The following CHD5 variants were observed in gnomAD, a reference collection of about 807,000 sequenced individuals.
CHD5 encodes the protein ATP-dependent chromatin remodeler CHD5.
A neutral mutation model predicts 230.3 loss-of-function variants in CHD5; 69 were observed. That is an observed-to-expected ratio of 0.30 (90% CI 0.25 to 0.37). The LOEUF (loss-of-function observed/expected upper bound fraction) is 0.37. Ranked by LOEUF, CHD5 falls within the 10% of genes least tolerant of loss-of-function variation. CHD5 has a pLI of 1.00. For synonymous variants in CHD5, 1,064 were observed against 1,065.9 expected (o/e 1.00, Z 0.03); for missense variants, 1,827 against 2,622.8 (o/e 0.70, Z 6.63).
intron 5 of CHD5, among the ~76,000 whole-genome samples, chr1:6,153,882 G>A (rs755182856): frequency 6.6e-6 from 1 of 151,526 alleles, no homozygotes; most frequent in Non-Finnish European, 1.5e-5. Flanking sequence ...AAGCTGAGCT[G>A]CAGGTGACTG....
At chr1:6,170,130 G>A (rs1476620883) in intron 1 of CHD5, among the ~76,000 whole-genome samples, 1 of 152,068 alleles carries the variant, frequency 6.6e-6, no homozygotes, top group Admixed American at 6.5e-5. Flanking sequence ...TTGGAGCCAG[G>A]TTCGAACCCA....
In CHD5 at chr1:6,106,742, C is replaced by G; in HGVS notation, c.5616G>C (p.Lys1872Asn). ...NQLEELLSDMKADVTRLPSML... is the reference protein window; with the variant it reads ...NQLEELLSDMNADVTRLPSML... ...TGGATGGCAGCCGGGTCACGTCGGCCTTCATGTCGCTCAGCAGCTCCTCCA... is the reference window on the plus strand; with the variant it reads ...TGGATGGCAGCCGGGTCACGTCGGCGTTCATGTCGCTCAGCAGCTCCTCCA... Residue 1872 changes from lysine to asparagine, a missense_variant, in exon 39 of 42, where the codon AAG (lysine) becomes AAC (asparagine). This residue lies in a region of CHD5 where 208 missense variants were observed against 302.0 expected (regional missense o/e 0.69). Coordinates refer to ENST00000262450, the MANE Select transcript of CHD5 (RefSeq NM_015557.3). The G allele has an allele frequency of 6.2e-7, 1 of 1,611,654 alleles. No individual in the cohort carries two copies. The highest frequency in any genetic ancestry group is 8.5e-7 in the Non-Finnish European group (1 of 1,179,674).
At chr1:6,133,427 G>A (rs1044833206) in intron 20 of CHD5, among the ~76,000 whole-genome samples, 8 of 152,262 alleles carry the variant, frequency 5.3e-5, no homozygotes, top group African/African-American at 1.9e-4. Context: ...TTCAGTTGAT[G>A]TTTGTGCACA....
chr1:6,115,795 C>G (rs1345671991), intron 33 of CHD5, among the ~76,000 whole-genome samples: 1 of 152,126 alleles, frequency 6.6e-6, no homozygotes, highest in Non-Finnish European at 1.5e-5. Context: ...AGCAGAACAC[C>G]CAGCTACACC....
intron 11 of CHD5, among the ~76,000 whole-genome samples, chr1:6,144,448 G>A (rs969072918): frequency 6.6e-6 from 1 of 152,224 alleles, no homozygotes; most frequent in Non-Finnish European, 1.5e-5. Flanking sequence ...TGGCAGGGAT[G>A]AATCCCATTT....
chr1:6,151,188 G>T (rs2100865689), intron 6 of CHD5, 33 bp from the exon 7 acceptor site: 2 of 1,581,914 alleles, frequency 1.3e-6, no homozygotes. Context: ...GTGATCCCAG[G>T]GCTTCACCCA....
intron 1 of CHD5, among the ~76,000 whole-genome samples, chr1:6,177,284 C>T (rs554831298): frequency 3.3e-5 from 5 of 152,270 alleles, no homozygotes; most frequent in African/African-American, 9.6e-5. Context: ...TGAGGAAGAG[C>T]TCAGGGTGAG....
intron 15 of CHD5, 31 bp from the exon 16 acceptor site, chr1:6,136,896 C>A: frequency 6.3e-7 from 1 of 1,581,980 alleles, no homozygotes; most frequent in Admixed American, 1.7e-5. Flanking sequence ...GGGGATGAGA[C>A]GGCTGGGAGC....
intron 25 of CHD5, 89 bp downstream of exon 25, chr1:6,127,957 G>C: frequency 8.4e-7 from 1 of 1,188,366 alleles, no homozygotes; most frequent in Non-Finnish European, 1.2e-6. Flanking sequence ...CGGGAGGGCG[G>C]GGTCACAGTG....
At chr1:6,175,349 G>GTGGATGGTGGATGGATGCATGGA (rs879459685) in intron 1 of CHD5, among the ~76,000 whole-genome samples, 1 of 145,984 alleles carries the variant, frequency 6.9e-6, no homozygotes, top group African/African-American at 2.6e-5. Context: ...GAATGGATGA[G>GTGGATGGTGGATGGATGCATGGA]TGGATGGTGG....
rs948395858 is a variant in CHD5, at chr1:6,143,869, A to G, written c.1997T>C (p.Leu666Pro). Reference protein sequence around the residue: ...PKRLLKKGKKLRDDKQEKPPD... With the variant: ...PKRLLKKGKKPRDDKQEKPPD... ...CGGCTTCTCCTGCTTGTCGTCCCTC[A>G]GCTTCTTGCCCTTCTTGAGCAGCCT... Residue 666 changes from leucine (L) to proline (P), a missense_variant, in exon 13 of 42, where the codon CTG becomes CCG. Physicochemically the swap from Leu to Pro is moderately conservative, Grantham distance 98. This residue lies in a region of CHD5 where 657 missense variants were observed against 816.4 expected (regional missense o/e 0.80). Coordinates refer to ENST00000262450, the MANE Select transcript of CHD5 (RefSeq NM_015557.3). 3 of 1,612,006 alleles carry G rather than the reference A, an allele frequency of 1.9e-6. No individual in the cohort carries two copies. The African/African-American group carries it at 4.0e-5, about 22-fold the overall frequency.
intron 15 of CHD5, among the ~76,000 whole-genome samples, chr1:6,137,567 A>C (rs1231674878): frequency 6.6e-6 from 1 of 152,176 alleles, no homozygotes; most frequent in Non-Finnish European, 1.5e-5. Context: ...TCCCGGCCTC[A>C]AGCAATCCTC....
rs1281184316 is a variant in CHD5, at chr1:6,102,298, G to A, written c.*3176C>T. On this transcript the variant is annotated 3_prime_UTR_variant, in exon 42 of 42. Coordinates refer to ENST00000262450, the MANE Select transcript of CHD5 (RefSeq NM_015557.3). ...AAGAAAAAAAAAACACAACGCCAGT[G>A]AGTTTGGGCTGATGCACCACAACCT... 2 of 163,474 alleles carry A rather than the reference G, an allele frequency of 1.2e-5. No homozygotes were observed. Among genetic ancestry groups the A allele is most frequent in the African/African-American group, 4.8e-5 (2 of 41,474 alleles). The allele number at this position is 163,474 out of a possible 1,614,324, so 10.1% of individuals were successfully genotyped here.
In CHD5 at chr1:6,128,561, T is replaced by G. The variant is rs201075301; in HGVS notation, c.3668A>C (p.Gln1223Pro). ...GGCCAAGTTCCCCCCTTTGGAGGAC[T>G]GGACATCAGGGATGGGTGTGACCGG... ...QRPVTPIPDV[Q>P]SSKGGNLAAS... Residue 1223 changes from glutamine (Q) to proline (P), a missense_variant, in exon 24 of 42, where the codon CAG (glutamine) becomes CCG (proline). Transcript: ENST00000262450. This position sits in a 1 kb window ranked among gnomAD's most constrained non-coding sequence, Gnocchi z 7.8. The G allele has an allele frequency of 6.2e-7, 1 of 1,614,168 alleles. No individual in the cohort carries two copies. Among genetic ancestry groups the G allele is most frequent in the African/African-American group, 1.3e-5 (1 of 75,064 alleles).
Position 6,134,926 on chromosome 1 carries a change from G to C in CHD5, c.2871-67C>G. The C allele has an allele frequency of 6.3e-7, 1 of 1,593,642 alleles. No individual in the cohort carries two copies. Among genetic ancestry groups the C allele is most frequent in the Non-Finnish European group, 8.6e-7 (1 of 1,164,234 alleles). ...CCTCCATGAGGGCTCTCTCTGCTCT[G>C]CAGTGGGGCTGGAAGCTGGTGGCCA... is the stretch of plus-strand genomic sequence containing the variant. On this transcript the variant is annotated intron_variant, in intron 18 of 41. Coordinates refer to ENST00000262450, the MANE Select transcript of CHD5 (RefSeq NM_015557.3). The surrounding 1 kb of genome is among the most constrained non-coding windows in gnomAD (Gnocchi z 6.3).
chr1:6,163,572 T>C (rs759253981), intron 2 of CHD5, among the ~76,000 whole-genome samples: 5 of 152,182 alleles, frequency 3.3e-5, no homozygotes, highest in Non-Finnish European at 7.3e-5. Flanking sequence ...CAAATAGTTC[T>C]GAAAACACCT....
At chr1:6,179,575 T>C (rs2100893827) in intron 1 of CHD5, among the ~76,000 whole-genome samples, 1 of 150,766 alleles carries the variant, frequency 6.6e-6, no homozygotes, top group South Asian at 2.1e-4. Flanking sequence ...GAGCGCGGGG[T>C]GCGCCGCTCC....
At position 6,104,618 on chromosome 1, in the gene CHD5, G is replaced by GCCCCCCCCCCCCCCCC. The variant is rs5772219; in HGVS notation, c.*855_*856insGGGGGGGGGGGGGGGG. 1 of 145,016 alleles carries GCCCCCCCCCCCCCCCC rather than the reference G, an allele frequency of 6.9e-6. No individual in the cohort carries two copies. The highest frequency in any genetic ancestry group is 1.5e-5 in the Non-Finnish European group (1 of 65,812). The allele number at this position is 145,016 out of a possible 1,614,324, so 9.0% of individuals were successfully genotyped here. Reference sequence around the variant, plus strand: ...CAGCAGTGGCTCCGAGGCAAGTGCTGCCCCCCCCCCAGCCCACCCTCCCTG... The same window carrying GCCCCCCCCCCCCCCCC: ...CAGCAGTGGCTCCGAGGCAAGTGCTGCCCCCCCCCCCCCCCCCCCCCCCCCCAGCCCACCCTCCCTG... On this transcript the variant is annotated 3_prime_UTR_variant, in exon 42 of 42. Coordinates refer to ENST00000262450, the MANE Select transcript of CHD5 (RefSeq NM_015557.3).
At chr1:6,119,237 T>C (rs1308506871) in intron 33 of CHD5, among the ~76,000 whole-genome samples, 1 of 152,128 alleles carries the variant, frequency 6.6e-6, no homozygotes, top group Non-Finnish European at 1.5e-5. Context: ...TAGCTGGGAC[T>C]ACTGGCGCTC....
Sources: allele counts gnomAD v4.1 joint callset (sites outside exome capture counted in the v4.1 genomes callset), GRCh38; gene constraint gnomAD v4.1.1; regional missense constraint gnomAD v4.1.1; non-coding constraint Gnocchi (gnomAD v3.1); transcripts MANE v1.5; gene names NCBI Gene and HGNC (gene_info 2026-07-23, HGNC 2026-07-21).